Variants in FHIT observed in about 807,000 individuals in gnomAD.
The protein encoded by FHIT is bis(5'-adenosyl)-triphosphatase.
Under a neutral mutation model 17.9 loss-of-function variants are expected in FHIT, and 19 were observed. The ratio of observed to expected loss-of-function variants is 1.06; its 90% CI spans 0.74 to 1.56. The LOEUF is 1.56. Ranked by LOEUF, FHIT falls within the 40% of genes most tolerant of loss-of-function variation. The pLI is 0.00. For missense variants in FHIT, 248 were observed against 189.2 expected (o/e 1.31, Z -1.82); for synonymous variants, 81 against 69.7 (o/e 1.16, Z -0.81).
At chr3:60,158,378 C>A (rs1700798089) in intron 5 of FHIT, among the ~76,000 whole-genome samples, 1 of 151,816 alleles carries the variant, frequency 6.6e-6, no homozygotes, top group Admixed American at 6.6e-5. Context: ...ATGGCGCAAT[C>A]TCTGTGCACT....
chr3:61,068,230 G>A (rs2034679153), intron 2 of FHIT, among the ~76,000 whole-genome samples: 1 of 152,240 alleles, frequency 6.6e-6, no homozygotes, highest in South Asian at 2.1e-4. Context: ...AAATCAAGGT[G>A]TAAGCAGACT....
intron 8 of FHIT, among the ~76,000 whole-genome samples, chr3:59,803,893 G>A (rs899397844): frequency 6.6e-6 from 1 of 152,138 alleles, no homozygotes; most frequent in Admixed American, 6.5e-5. Context: ...TAGATGCTCG[G>A]TAGCAATGAA....
intron 5 of FHIT, among the ~76,000 whole-genome samples, chr3:60,107,660 C>G (rs1174910080): frequency 1.3e-5 from 2 of 152,096 alleles, no homozygotes; most frequent in Non-Finnish European, 2.9e-5. Flanking sequence ...GGCTTAAGTT[C>G]TGTTTTCCTT....
At chr3:60,314,292 C>T (rs1302533331) in intron 5 of FHIT, among the ~76,000 whole-genome samples, 2 of 152,076 alleles carry the variant, frequency 1.3e-5, no homozygotes, top group Non-Finnish European at 2.9e-5. Context: ...AGGGCAAATT[C>T]ATTACCCATA....
chr3:60,255,433 A>G (rs962171642), intron 5 of FHIT, among the ~76,000 whole-genome samples: 2 of 152,102 alleles, frequency 1.3e-5, no homozygotes. Flanking sequence ...AAACGAGTAA[A>G]GTAGACTTGC....
At chr3:60,436,474 G>T (rs1308478564) in intron 5 of FHIT, among the ~76,000 whole-genome samples, 1 of 152,186 alleles carries the variant, frequency 6.6e-6, no homozygotes, top group South Asian at 2.1e-4. Flanking sequence ...TAGGTGCTGA[G>T]GACACAGCAG....
chr3:61,035,464 AC>A (rs1656742292), intron 3 of FHIT, among the ~76,000 whole-genome samples: 1 of 152,196 alleles, frequency 6.6e-6, no homozygotes, highest in Non-Finnish European at 1.5e-5. Context: ...CCCAAAATTT[AC>A]TTTGCATATA....
At position 60,080,339 on chromosome 3, in the gene FHIT, A is replaced by T. The variant is rs559938344; in HGVS notation, c.104-66187T>A. Among the ~76,000 whole-genome samples, 6 of 152,284 alleles carry T rather than the reference A, an allele frequency of 3.9e-5. No individual in the cohort carries two copies. In the East Asian group the frequency reaches 1.2e-3, roughly 29 times the overall value. On this transcript the variant is annotated intron_variant, in intron 5 of 9. Coordinates refer to ENST00000492590, the MANE Select transcript of FHIT (RefSeq NM_002012.4). ...CTAGGATAGGAGAAAGCTGCCAGACACAAGTTCAGATTTAATAGAAATAGC... is the reference window on the plus strand; with the variant it reads ...CTAGGATAGGAGAAAGCTGCCAGACTCAAGTTCAGATTTAATAGAAATAGC...
At chr3:60,294,594 A>G (rs1306861442) in intron 5 of FHIT, among the ~76,000 whole-genome samples, 1 of 152,156 alleles carries the variant, frequency 6.6e-6, no homozygotes, top group Non-Finnish European at 1.5e-5. Flanking sequence ...CAGTTAAATT[A>G]CTTACCTGTG....
At chr3:60,523,157 G>A (rs557232519) in intron 5 of FHIT, among the ~76,000 whole-genome samples, 5 of 152,200 alleles carry the variant, frequency 3.3e-5, no homozygotes, top group South Asian at 2.1e-4. Flanking sequence ...CCCATAACAC[G>A]TGGGAATTAT....
At chr3:60,090,396 A>G (rs1351131427) in intron 5 of FHIT, among the ~76,000 whole-genome samples, 1 of 152,220 alleles carries the variant, frequency 6.6e-6, no homozygotes, top group Non-Finnish European at 1.5e-5. Flanking sequence ...CGGTAATGAC[A>G]GTACTAATTC....
At position 60,890,221 on chromosome 3, in the gene FHIT, T is replaced by TAAAAAAAAAAA. The variant is rs59950717; in HGVS notation, c.-110-68221_-110-68211dup. ...TTCCAAAAAATTAGCTTCCATGATG[T>TAAAAAAAAAAA]AAAAAAAAAAAAAAAAAAAAAAAAA... On this transcript the variant is annotated intron_variant, in intron 3 of 9. Transcript: ENST00000492590. Among the ~76,000 whole-genome samples the TAAAAAAAAAAA allele has an allele frequency of 3.5e-3, 410 of 115,568 alleles. 5 individuals carry two copies. Among genetic ancestry groups the TAAAAAAAAAAA allele is most frequent in the Non-Finnish European group, 5.6e-3 (329 of 58,594 alleles). The allele number at this position is 115,568 out of a possible 152,430, so 75.8% of individuals were successfully genotyped here.
At chr3:60,348,647 C>G (rs1025344895) in intron 5 of FHIT, among the ~76,000 whole-genome samples, 10 of 152,140 alleles carry the variant, frequency 6.6e-5, no homozygotes, top group African/African-American at 2.4e-4. Flanking sequence ...GCTCTTGTGG[C>G]AGAGAGCAAA....
chr3:60,556,508 G>T (rs2036744146), intron 4 of FHIT, among the ~76,000 whole-genome samples: 1 of 152,162 alleles, frequency 6.6e-6, no homozygotes, highest in Non-Finnish European at 1.5e-5. Context: ...GCCTACATTA[G>T]GCACTTGACC....
intron 5 of FHIT, among the ~76,000 whole-genome samples, chr3:60,494,474 CA>C (rs1198411864): frequency 7.0e-6 from 1 of 142,108 alleles, no homozygotes; most frequent in African/African-American, 3.1e-5. Context: ...TACAAACAAT[CA>C]AATTATACTC....
chr3:60,675,497 G>A (rs1381936090), intron 4 of FHIT, among the ~76,000 whole-genome samples: 2 of 152,170 alleles, frequency 1.3e-5, no homozygotes, highest in African/African-American at 2.4e-5. Context: ...CAAAAGTTAC[G>A]AAGAGTAGAA....
intron 5 of FHIT, among the ~76,000 whole-genome samples, chr3:60,176,166 A>G (rs999603443): frequency 5.9e-5 from 9 of 152,194 alleles, no homozygotes; most frequent in Non-Finnish European, 1.0e-4. Context: ...AGCCTGGCCA[A>G]CATGGCGAAA....
chr3:61,029,202 A>G (rs968313320), intron 3 of FHIT, among the ~76,000 whole-genome samples: 17 of 152,348 alleles, frequency 1.1e-4, no homozygotes, highest in African/African-American at 4.1e-4. Context: ...TATATTCATC[A>G]GTACCTTAAT....
intron 4 of FHIT, among the ~76,000 whole-genome samples, chr3:60,571,498 A>G (rs1351435837): frequency 6.6e-6 from 1 of 151,906 alleles, no homozygotes; most frequent in East Asian, 1.9e-4. Flanking sequence ...TTCTGAGGAG[A>G]ATTTGAGAAA....
Sources: allele counts gnomAD v4.1 joint callset (sites outside exome capture counted in the v4.1 genomes callset), GRCh38; gene constraint gnomAD v4.1.1; transcripts MANE v1.5; gene names NCBI Gene and HGNC (gene_info 2026-07-23, HGNC 2026-07-21).